The following PLA2G4C variants were observed in gnomAD, a reference collection of about 807,000 sequenced individuals.
PLA2G4C encodes phospholipase A2 group IVC.
In PLA2G4C, 64 loss-of-function variants were observed where a neutral mutation model predicts 73.8. The ratio of observed to expected loss-of-function variants is 0.87; its 90% confidence interval spans 0.71 to 1.07. The LOEUF (loss-of-function observed/expected upper bound fraction) is 1.07. PLA2G4C is among the 50% of genes least tolerant of loss of function. The probability of loss-of-function intolerance (pLI) is 0.00; values close to 1 mark genes in which losing one functional copy is unlikely to be tolerated. For missense variants in PLA2G4C, 622 were observed against 665.4 expected (o/e 0.93, Z 0.72); for synonymous variants, 254 against 252.1 (o/e 1.01, Z -0.07).
At position 48,077,792 on chromosome 19, in the gene PLA2G4C, C is replaced by A. The variant is rs750820091; in HGVS notation, c.877G>T (p.Gly293Trp). ...RLLRLQESSQGEHPPPEDEGG... is the reference protein window; with the variant it reads ...RLLRLQESSQWEHPPPEDEGG... Reference sequence around the variant, plus strand: ...TTACCTTCTGGGGGAGGATGTTCCCCTTGTGAACTTTCTTGCAGCCTCAGT... The same window carrying A: ...TTACCTTCTGGGGGAGGATGTTCCCATTGTGAACTTTCTTGCAGCCTCAGT... The change falls in exon 11 of 17, where the codon GGG (glycine) becomes TGG (tryptophan). Residue 293 changes from glycine (G) to tryptophan (W), a missense_variant. Physicochemically the swap from Gly to Trp is radical, Grantham distance 184 (BLOSUM62 -2). Transcript: ENST00000599921. 7.5e-6 allele frequency: 12 copies of A among 1,606,296 alleles called. No individual in the cohort carries two copies. The highest frequency in any genetic ancestry group is 3.3e-4 in the Middle Eastern group (2 of 6,010).
intron 16 of PLA2G4C, among the ~76,000 whole-genome samples, chr19:48,048,671 A>G (rs1401633223): frequency 6.6e-6 from 1 of 152,182 alleles, no homozygotes; most frequent in East Asian, 1.9e-4. Context: ...CCTACATCGA[A>G]TGTCATGATA....
At position 48,099,842 on chromosome 19, in the gene PLA2G4C, G is replaced by A. The variant is rs2031805135; in HGVS notation, c.276C>T (p.Tyr92=). The change falls in exon 5 of 17, where the codon TAC becomes TAT. Residue 92 remains tyrosine (Y), a synonymous_variant. Transcript: ENST00000599921. ...GAGCTTCCATGTCACCATCATTGGT[G>A]TAGAGAGAAGATATTGCCCTGGAGG... is the stretch of plus-strand genomic sequence containing the variant. ...SGSTWAISSL[Y]TNDGDMEALE... The A allele has an allele frequency of 6.2e-7, 1 of 1,612,744 alleles. No individual in the cohort carries two copies. Among genetic ancestry groups the A allele is most frequent in the African/African-American group, 1.3e-5 (1 of 74,890 alleles).
chr19:48,053,998 C>T (rs1029828373), intron 15 of PLA2G4C, among the ~76,000 whole-genome samples: 2 of 152,112 alleles, frequency 1.3e-5, no homozygotes, highest in African/African-American at 4.8e-5. Context: ...CAGAGAGAGG[C>T]AGCAACATGC....
chr19:48,054,350 C>A (rs1419653293), intron 15 of PLA2G4C, among the ~76,000 whole-genome samples: 1 of 152,142 alleles, frequency 6.6e-6, no homozygotes, highest in African/African-American at 2.4e-5. Context: ...TGTCCCCAGG[C>A]TGGAGTGCAG....
At position 48,054,947 on chromosome 19, in the gene PLA2G4C, A is replaced by G; in HGVS notation, c.1360T>C (p.Tyr454His). The G allele has an allele frequency of 1.9e-6, 3 of 1,613,974 alleles. No homozygotes were observed. The highest frequency in any genetic ancestry group is 2.5e-6 in the Non-Finnish European group (3 of 1,180,012). Reference protein sequence around the residue: ...DLWSKAPASCYILKGETGPVV... With the variant: ...DLWSKAPASCHILKGETGPVV... The stretch of plus-strand genomic sequence containing the variant: ...GGTCCAGTTTCTCCTTTCAGGATGT[A>G]GCAGCTGGCGGGGGCCTTGGACCAC... Residue 454 changes from tyrosine to histidine, a missense_variant, in exon 15 of 17, where the codon TAC (tyrosine) becomes CAC (histidine). Coordinates refer to ENST00000599921, the MANE Select transcript of PLA2G4C (RefSeq NM_003706.3).
At chr19:48,088,796 G>A in intron 8 of PLA2G4C, 84 bp from the exon 9 acceptor site, 1 of 1,043,274 alleles carries the variant, frequency 9.6e-7, no homozygotes, top group South Asian at 1.3e-5. Flanking sequence ...ATGACCTGCA[G>A]GGATATTTCA....
intron 12 of PLA2G4C, among the ~76,000 whole-genome samples, chr19:48,071,768 T>C (rs1968668474): frequency 6.6e-6 from 1 of 152,112 alleles, no homozygotes; most frequent in Admixed American, 6.6e-5. Flanking sequence ...GTTTTATCTA[T>C]TTATTAATTT....
rs371406394 is a variant in PLA2G4C, at chr19:48,052,953, C to A, written c.1580+44G>T. 227 of 1,565,246 alleles carry A rather than the reference C, an allele frequency of 1.5e-4. 1 individual carries two copies. Among genetic ancestry groups the A allele is most frequent in the Non-Finnish European group, 1.9e-4 (218 of 1,148,520 alleles). On this transcript the variant is annotated intron_variant, in intron 16 of 16. Coordinates refer to ENST00000599921, the MANE Select transcript of PLA2G4C (RefSeq NM_003706.3). ...GAGAAAGTTCTCCAACAGATACTTA[C>A]TGAACGAGCATAGGCATCAGAGCGA... is the stretch of plus-strand genomic sequence containing the variant.
At chr19:48,093,820 C>A (rs1435316790) in intron 7 of PLA2G4C, among the ~76,000 whole-genome samples, 2 of 152,120 alleles carry the variant, frequency 1.3e-5, no homozygotes, top group Admixed American at 1.3e-4. Context: ...GGGGGCAGAT[C>A]CCCCCATGCT....
chr19:48,103,908 A>G (rs2032037356), intron 4 of PLA2G4C: 1 of 151,938 alleles, frequency 6.6e-6, no homozygotes, highest in Non-Finnish European at 1.5e-5. Context: ...TTTTAGAAAA[A>G]AAAAATTTTT....
At chr19:48,082,309 T>C (rs1168589683) in intron 10 of PLA2G4C, among the ~76,000 whole-genome samples, 3 of 152,020 alleles carry the variant, frequency 2.0e-5, no homozygotes, top group Non-Finnish European at 4.4e-5. Context: ...TAAAATATTG[T>C]ACATGTTATA....
At chr19:48,049,020 C>G (rs1239520230) in intron 16 of PLA2G4C, among the ~76,000 whole-genome samples, 1 of 152,098 alleles carries the variant, frequency 6.6e-6, no homozygotes, top group African/African-American at 2.4e-5. Context: ...CTCTCTTGCT[C>G]TCTCTCACCA....
At chr19:48,108,308 A>AT (rs1396013999) in intron 1 of PLA2G4C, among the ~76,000 whole-genome samples, 2 of 151,644 alleles carry the variant, frequency 1.3e-5, no homozygotes, top group Non-Finnish European at 2.9e-5. Flanking sequence ...CAAAGTTTTA[A>AT]TTTTTTTGTA....
At position 48,067,674 on chromosome 19, in the gene PLA2G4C, C is replaced by G. The variant is rs115633925; in HGVS notation, c.1102+117G>C. ...TCCCTGGGCCCTTTGACACCACCCC[C>G]CTCCAAAGCTCTGGGGAAGGACCAG... On this transcript the variant is annotated intron_variant, in intron 13 of 16. Transcript: ENST00000599921. The G allele has an allele frequency of 1.2e-3, 931 of 748,192 alleles. 8 individuals are homozygous for G. The African/African-American group carries it at 0.013, about 11-fold the overall frequency. 46.3% of individuals were successfully genotyped at this position (748,192 alleles called of 1,614,324 possible).
intron 10 of PLA2G4C, among the ~76,000 whole-genome samples, chr19:48,078,036 T>G (rs769512329): frequency 6.6e-6 from 1 of 152,174 alleles, no homozygotes; most frequent in Non-Finnish European, 1.5e-5. Context: ...CATGATGTGA[T>G]CAAGTGGGTT....
At chr19:48,058,041 G>A (rs531792639) in intron 14 of PLA2G4C, among the ~76,000 whole-genome samples, 1 of 150,856 alleles carries the variant, frequency 6.6e-6, no homozygotes, top group African/African-American at 2.4e-5. Context: ...GCTCACGCCT[G>A]TAATCCCAGC....
At chr19:48,085,635 C>A (rs1272637139) in intron 9 of PLA2G4C, among the ~76,000 whole-genome samples, 2 of 151,962 alleles carry the variant, frequency 1.3e-5, no homozygotes, top group African/African-American at 4.8e-5. Context: ...ACACTGTGAA[C>A]TTTTTTTTCA....
chr19:48,058,882 C>T (rs1378441760), intron 14 of PLA2G4C, among the ~76,000 whole-genome samples: 1 of 151,538 alleles, frequency 6.6e-6, no homozygotes, highest in Non-Finnish European at 1.5e-5. Flanking sequence ...CCTTATAAGC[C>T]CCATCATGGA....
At chr19:48,090,968 T>C (rs571126135) in intron 7 of PLA2G4C, among the ~76,000 whole-genome samples, 13 of 151,470 alleles carry the variant, frequency 8.6e-5, no homozygotes, top group African/African-American at 2.7e-4. Flanking sequence ...ACTGTGCTTT[T>C]GCACGGCAGC....
Sources: gnomAD v4.1 joint callset for allele counts (sites outside exome capture counted in the v4.1 genomes callset) on GRCh38, gnomAD v4.1.1 for gene constraint, MANE v1.5 for transcripts, NCBI Gene and HGNC (gene_info 2026-07-23, HGNC 2026-07-21) for gene names.